Variants in KMT2C observed in about 807,000 individuals in gnomAD.
KMT2C encodes histone-lysine N-methyltransferase 2C.
Under a neutral mutation model 507.9 loss-of-function variants are expected in KMT2C, and 88 were observed. That is an observed-to-expected ratio of 0.17 (90% CI 0.15 to 0.21). The LOEUF is 0.21. KMT2C is among the 10% of genes least tolerant of loss of function. KMT2C has a pLI of 1.00. For synonymous variants in KMT2C, 2,049 were observed against 2,080.8 expected (o/e 0.98, Z 0.42); for missense variants, 4,954 against 5,957.8 (o/e 0.83, Z 5.55).
Position 152,138,969 on chromosome 7 carries a change from A to C in KMT2C, c.14535-65T>G, listed in dbSNP as rs1170342534. The C allele has an allele frequency of 7.9e-7, 1 of 1,261,620 alleles. No individual in the cohort carries two copies. The highest frequency in any genetic ancestry group is 1.5e-5 in the African/African-American group (1 of 67,488). The allele number at this position is 1,261,620 out of a possible 1,614,324, so 78.2% of individuals were successfully genotyped here. A position where few individuals can be genotyped will look rare whatever the true frequency, so the allele number is the denominator to read the frequency against. The stretch of plus-strand genomic sequence containing the variant: ...CTAGAAGCAGCTTTAAAAACTTCCC[A>C]TTTATTGATAAAGCAGTTTTTGCTA... On this transcript the variant is annotated intron_variant, in intron 57 of 58. Transcript: ENST00000262189. This position sits in a 1 kb window ranked among gnomAD's most constrained non-coding sequence, Gnocchi z 4.2.
chr7:152,162,090 G>C, intron 43 of KMT2C, 27 bp downstream of exon 43: 1 of 1,498,742 alleles, frequency 6.7e-7, no homozygotes, highest in Non-Finnish European at 8.9e-7. Context: ...AAAGAAAAAA[G>C]TTGTCGTTTT....
In KMT2C at chr7:152,151,303, A is replaced by G. The variant is rs2091602331; in HGVS notation, c.12666+139T>C. On this transcript the variant is annotated intron_variant, in intron 50 of 58. Transcript: ENST00000262189. ...GGTGTTCAGCCCAAGCACATCTGAT[A>G]TACGCTGGTGCCATCACCAGGAACA... 4.3e-5 allele frequency: 36 copies of G among 839,928 alleles called. 2 individuals carry two copies. In the South Asian group the frequency reaches 6.2e-4, roughly 14 times the overall value. 52.0% of individuals were successfully genotyped at this position (839,928 alleles called of 1,614,324 possible).
intron 42 of KMT2C, among the ~76,000 whole-genome samples, chr7:152,165,408 A>C (rs1450711146): frequency 6.6e-6 from 1 of 152,272 alleles, no homozygotes; most frequent in Non-Finnish European, 1.5e-5. Flanking sequence ...CAAATATGCC[A>C]GATGGCAATG....
chr7:152,314,726 A>G (rs2096707670), intron 4 of KMT2C, among the ~76,000 whole-genome samples: 1 of 152,140 alleles, frequency 6.6e-6, no homozygotes, highest in Non-Finnish European at 1.5e-5. Flanking sequence ...TGGATTTGCT[A>G]TTGTATTATG....
Position 152,323,469 on chromosome 7 carries a change from C to G in KMT2C, c.389+7132G>C, listed in dbSNP as rs539013600. Among the ~76,000 whole-genome samples, 226 of 151,666 alleles carry G rather than the reference C, an allele frequency of 1.5e-3. 9 individuals carry two copies. The South Asian group carries it at 0.046, about 31-fold the overall frequency. On this transcript the variant is annotated intron_variant, in intron 3 of 58. Coordinates refer to ENST00000262189, the MANE Select transcript of KMT2C (RefSeq NM_170606.3). ...CCTGGGCAACACAGTAAGACTCCATCTCTACATAAAATTTTAAAAATTAGC... is the reference window on the plus strand; with the variant it reads ...CCTGGGCAACACAGTAAGACTCCATGTCTACATAAAATTTTAAAAATTAGC...
intron 2 of KMT2C, among the ~76,000 whole-genome samples, chr7:152,345,502 A>G (rs1265784891): frequency 6.6e-6 from 1 of 152,200 alleles, no homozygotes; most frequent in African/African-American, 2.4e-5. Flanking sequence ...TAAAAGACAG[A>G]AATTGTTATA....
chr7:152,139,296 A>G, intron 56 of KMT2C, 37 bp from the exon 57 acceptor site: 2 of 1,584,656 alleles, frequency 1.3e-6, no homozygotes, highest in Non-Finnish European at 1.7e-6. Flanking sequence ...ATCAATGTCG[A>G]CCTGAAACTC....
Position 152,288,022 on chromosome 7 carries a change from CAAAAAAA to C in KMT2C, c.850-14162_850-14156del, listed in dbSNP as rs66951420. Among the ~76,000 whole-genome samples, 93 of 31,664 alleles carry C rather than the reference CAAAAAAA, an allele frequency of 2.9e-3. 1 individual carries two copies. The highest frequency in any genetic ancestry group is 5.0e-3 in the African/African-American group (41 of 8,270). 20.8% of individuals were successfully genotyped at this position (31,664 alleles called of 152,430 possible). ...TGGGCAACAGAGCAAGAGTCTGCCT[CAAAAAAA>C]AAAAAAAAAAAAAAAAGCAATTACA... On this transcript the variant is annotated intron_variant, in intron 6 of 58. Coordinates refer to ENST00000262189, the MANE Select transcript of KMT2C (RefSeq NM_170606.3).
rs189650748 is a variant in KMT2C at position 152,311,636 on chromosome 7, T to G, written c.739+162A>C. 2.2e-3 allele frequency among the ~76,000 whole-genome samples: 336 copies of G among 152,328 alleles called. 3 individuals carry two copies. Among genetic ancestry groups the G allele is most frequent in the Middle Eastern group, 0.01 (3 of 294 alleles). On this transcript the variant is annotated intron_variant, in intron 5 of 58. Transcript: ENST00000262189. ...TGTACAGATTTTAAATAGATAAACC[T>G]TTTCTTTTACCTAACCAGGCATATT...
chr7:152,146,311 A>G (rs1299463420), intron 53 of KMT2C, among the ~76,000 whole-genome samples: 1 of 152,070 alleles, frequency 6.6e-6, no homozygotes, highest in Non-Finnish European at 1.5e-5. Context: ...GAGTGTCCTC[A>G]CCCATCCAGC....
intron 1 of KMT2C, among the ~76,000 whole-genome samples, chr7:152,400,179 G>A (rs1431558839): frequency 6.6e-6 from 1 of 152,120 alleles, no homozygotes; most frequent in Admixed American, 6.6e-5. Flanking sequence ...AGGTGTGGTA[G>A]CAGGTGCCTG....
At chr7:152,143,728 G>A (rs1009360155) in intron 55 of KMT2C, among the ~76,000 whole-genome samples, 1 of 152,250 alleles carries the variant, frequency 6.6e-6, no homozygotes, top group Admixed American at 6.5e-5. Flanking sequence ...CTCCACTGAG[G>A]TGTAGTTCTG....
At chr7:152,261,963 GCT>G (rs2095787868) in intron 9 of KMT2C, among the ~76,000 whole-genome samples, 2 of 152,068 alleles carry the variant, frequency 1.3e-5, no homozygotes, top group African/African-American at 4.8e-5. Flanking sequence ...TTACCCAGCA[GCT>G]CTTTTTCCCC....
chr7:152,311,865 C>T lies in KMT2C; in HGVS notation c.672G>A (p.Leu224=), dbSNP rs1392848792. 1 of 1,612,150 alleles carries T rather than the reference C, an allele frequency of 6.2e-7. No homozygotes were observed. Among genetic ancestry groups the T allele is most frequent in the Non-Finnish European group, 8.5e-7 (1 of 1,178,498 alleles). The change falls in exon 5 of 59, where the codon CTG becomes CTA. Residue 224 remains leucine (L), a synonymous_variant. Coordinates refer to ENST00000262189, the MANE Select transcript of KMT2C (RefSeq NM_170606.3). ...QTASDDQAGK[L]WDELSLVGLP... ...GCCCAACCAGACTGAGTTCATCCCA[C>T]AGTTTACCAGCTTGATCATCTGAAG... is the stretch of plus-strand genomic sequence containing the variant.
In KMT2C at chr7:152,222,604, G is replaced by A. The variant is rs1220819533; in HGVS notation, c.3402C>T (p.Ser1134=). The part of the protein sequence containing the change: ...ENVADIGFDC[S]MCRPYMPASN... Reference sequence around the variant, plus strand: ...ACGCAGGCATATAGGGTCTGCACATGCTACAATCAAAACCAATGTCTGCTA... The same window carrying A: ...ACGCAGGCATATAGGGTCTGCACATACTACAATCAAAACCAATGTCTGCTA... The change falls in exon 21 of 59, where the codon AGC becomes AGT. Residue 1134 remains serine, a synonymous_variant. Transcript: ENST00000262189. 2 of 1,607,806 alleles carry A rather than the reference G, an allele frequency of 1.2e-6. No individual in the cohort carries two copies. The highest frequency in any genetic ancestry group is 1.7e-6 in the Non-Finnish European group (2 of 1,176,152).
At chr7:152,169,738 T>C (rs2092878245) in intron 40 of KMT2C, among the ~76,000 whole-genome samples, 1 of 152,142 alleles carries the variant, frequency 6.6e-6, no homozygotes, top group Non-Finnish European at 1.5e-5. Flanking sequence ...TAGTCTTATT[T>C]TCTACACACG....
At chr7:152,215,821 T>C (rs2094569645) in intron 23 of KMT2C, among the ~76,000 whole-genome samples, 1 of 151,822 alleles carries the variant, frequency 6.6e-6, no homozygotes, top group Non-Finnish European at 1.5e-5. Flanking sequence ...AGATGTAAAC[T>C]GGGGGCATGA....
intron 6 of KMT2C, among the ~76,000 whole-genome samples, chr7:152,294,244 C>T (rs2129188096): frequency 6.6e-6 from 1 of 152,246 alleles, no homozygotes; most frequent in South Asian, 2.1e-4. Context: ...TCTTGCTGTA[C>T]CGACACCTTG....
At position 152,408,602 on chromosome 7, in the gene KMT2C, T is replaced by C. The variant is rs565688433; in HGVS notation, c.161+27024A>G. 4.6e-5 allele frequency among the ~76,000 whole-genome samples: 7 copies of C among 152,244 alleles called. No homozygotes were observed. The South Asian group carries it at 1.5e-3, about 32-fold the overall frequency. The stretch of plus-strand genomic sequence containing the variant: ...TCTCATAGAAGCACAAACCCTATTG[T>C]GAACTGCACAAGCAAGGGACCTAGG... On this transcript the variant is annotated intron_variant, in intron 1 of 58. Coordinates refer to ENST00000262189, the MANE Select transcript of KMT2C (RefSeq NM_170606.3).
Sources: gnomAD v4.1 joint callset for allele counts (sites outside exome capture counted in the v4.1 genomes callset) on GRCh38, gnomAD v4.1.1 for gene constraint, Gnocchi (gnomAD v3.1) non-coding constraint, MANE v1.5 for transcripts, NCBI Gene and HGNC (gene_info 2026-07-23, HGNC 2026-07-21) for gene names.